Variants in MYO3B observed in about 807,000 individuals in gnomAD.
MYO3B encodes the protein myosin-IIIb.
Under a neutral mutation model 174.6 loss-of-function variants are expected in MYO3B, and 156 were observed. The ratio of observed to expected loss-of-function variants is 0.89; its 90% CI spans 0.78 to 1.02. The LOEUF (loss-of-function observed/expected upper bound fraction) is 1.02, where lower values mean the gene tolerates loss of function less well. MYO3B is among the 50% of genes least tolerant of loss of function. The probability of loss-of-function intolerance (pLI) is 0.00; values close to 1 mark genes in which losing one functional copy is unlikely to be tolerated. For synonymous variants in MYO3B, 563 were observed against 569.1 expected (o/e 0.99, Z 0.15); for missense variants, 1,632 against 1,639.4 (o/e 1.00, Z 0.08).
chr2:170,540,981 C>G (rs1193611309), intron 30 of MYO3B, among the ~76,000 whole-genome samples: 1 of 152,182 alleles, frequency 6.6e-6, no homozygotes, highest in African/African-American at 2.4e-5. Flanking sequence ...CCTGTAGACA[C>G]TACTCCCTGA....
At chr2:170,496,959 G>A (rs1311277706) in intron 25 of MYO3B, among the ~76,000 whole-genome samples, 1 of 152,066 alleles carries the variant, frequency 6.6e-6, no homozygotes, top group Non-Finnish European at 1.5e-5. Flanking sequence ...AAAACAGGGA[G>A]AATAAAGGAG....
At chr2:170,252,875 G>A (rs1448994971) in intron 7 of MYO3B, among the ~76,000 whole-genome samples, 1 of 152,082 alleles carries the variant, frequency 6.6e-6, no homozygotes, top group Admixed American at 6.5e-5. Context: ...AACATGGTGG[G>A]GACATTTTAG....
intron 22 of MYO3B, among the ~76,000 whole-genome samples, chr2:170,431,702 T>C (rs2094710459): frequency 6.6e-6 from 1 of 152,238 alleles, no homozygotes; most frequent in Non-Finnish European, 1.5e-5. Flanking sequence ...ACATGCAAGA[T>C]AAAGTTGTAG....
At chr2:170,378,762 A>G (rs6744466) in intron 9 of MYO3B, among the ~76,000 whole-genome samples, 116,438 of 152,152 alleles carry the variant, frequency 0.77, 45,898 homozygotes, top group East Asian at 0.93. Context: ...GGTTTGGTCC[A>G]TGCTTCCATT....
At chr2:170,584,235 T>G (rs985390033) in intron 32 of MYO3B, among the ~76,000 whole-genome samples, 2 of 152,226 alleles carry the variant, frequency 1.3e-5, no homozygotes, top group African/African-American at 2.4e-5. Flanking sequence ...TCCAACAAAC[T>G]TGGAAAAAGT....
intron 32 of MYO3B, among the ~76,000 whole-genome samples, chr2:170,604,543 A>C (rs1227623880): frequency 6.6e-6 from 1 of 152,196 alleles, no homozygotes; most frequent in Admixed American, 6.5e-5. Context: ...CTAAGAGGGA[A>C]GTGAACTGTA....
intron 25 of MYO3B, among the ~76,000 whole-genome samples, chr2:170,496,579 T>C (rs1194703603): frequency 1.3e-5 from 2 of 148,878 alleles, no homozygotes; most frequent in East Asian, 3.9e-4. Flanking sequence ...AAGGATAATA[T>C]ATTCAAAAAG....
chr2:170,224,956 A>G (rs960881201), intron 6 of MYO3B, among the ~76,000 whole-genome samples: 3 of 152,236 alleles, frequency 2.0e-5, no homozygotes, highest in Admixed American at 6.5e-5. Context: ...AGTAAATGAT[A>G]CGATAATGCT....
At chr2:170,183,896 T>C (rs534430488) in intron 1 of MYO3B, among the ~76,000 whole-genome samples, 2 of 140,564 alleles carry the variant, frequency 1.4e-5, no homozygotes, top group African/African-American at 5.0e-5. Flanking sequence ...AAATTAGATA[T>C]TAAAACTTAC....
chr2:170,335,072 G>A (rs2093938025), intron 7 of MYO3B, among the ~76,000 whole-genome samples: 1 of 152,094 alleles, frequency 6.6e-6, no homozygotes, highest in Admixed American at 6.6e-5. Flanking sequence ...ATAATCCTCA[G>A]CTCTGTTATA....
chr2:170,532,315 C>T (rs752085127), intron 30 of MYO3B, among the ~76,000 whole-genome samples: 12 of 152,256 alleles, frequency 7.9e-5, no homozygotes, highest in Non-Finnish European at 1.0e-4. Context: ...ACTAAAAGAA[C>T]GTTACCTCTG....
At position 170,371,076 on chromosome 2, in the gene MYO3B, G is replaced by T. The variant is rs1010166305; in HGVS notation, c.971+1699G>T. On this transcript the variant is annotated intron_variant, in intron 9 of 34. Transcript: ENST00000408978. Reference sequence around the variant, plus strand: ...TACTAAAAATACAGAAAATTAGCTGGGCATAGTGGCAGGCACCTGTAATCC... The same window carrying T: ...TACTAAAAATACAGAAAATTAGCTGTGCATAGTGGCAGGCACCTGTAATCC... 2.0e-5 allele frequency among the ~76,000 whole-genome samples: 3 copies of T among 151,736 alleles called. No homozygotes were observed. The South Asian group carries it at 6.3e-4, about 32-fold the overall frequency.
intron 9 of MYO3B, among the ~76,000 whole-genome samples, chr2:170,372,321 A>G (rs1021139243): frequency 6.6e-6 from 1 of 152,054 alleles, no homozygotes; most frequent in African/African-American, 2.4e-5. Context: ...AACCTCCATA[A>G]ATGTTAGTAG....
chr2:170,293,067 C>T (rs1014575141), intron 7 of MYO3B, among the ~76,000 whole-genome samples: 6 of 152,074 alleles, frequency 3.9e-5, no homozygotes, highest in African/African-American at 1.4e-4. Flanking sequence ...ATTTGGAAGT[C>T]CAACTCTTTC....
chr2:170,243,549 G>A (rs937304090), intron 7 of MYO3B, among the ~76,000 whole-genome samples: 2 of 152,222 alleles, frequency 1.3e-5, no homozygotes, highest in African/African-American at 2.4e-5. Flanking sequence ...GTGTGTGTCA[G>A]TGTCCTCCCT....
In MYO3B at chr2:170,206,118, T is replaced by C. The variant is rs975509931; in HGVS notation, c.321+5834T>C. ...GTATTTAGAACTCATCACACACATG[T>C]ACCCTCACATGCACATTCCCCCTCA... On this transcript the variant is annotated intron_variant, in intron 3 of 34. Transcript: ENST00000408978. The surrounding 1 kb of genome is among the most constrained non-coding windows in gnomAD (Gnocchi z 4.3). 3.9e-5 allele frequency among the ~76,000 whole-genome samples: 6 copies of C among 152,132 alleles called. No individual in the cohort carries two copies. Among genetic ancestry groups the C allele is most frequent in the African/African-American group, 9.7e-5 (4 of 41,448 alleles).
chr2:170,635,750 CAT>C (rs1697410870), intron 32 of MYO3B, among the ~76,000 whole-genome samples: 1 of 151,984 alleles, frequency 6.6e-6, no homozygotes, highest in African/African-American at 2.4e-5. Context: ...GTATTTTAAA[CAT>C]GTTTTCTTTC....
At position 170,313,546 on chromosome 2, in the gene MYO3B, C is replaced by CCTG. The variant is rs1265583370; in HGVS notation, c.750-21839_750-21838insCTG. Among the ~76,000 whole-genome samples the CCTG allele has an allele frequency of 3.9e-5, 6 of 152,322 alleles. No individual in the cohort carries two copies. The East Asian group carries it at 9.6e-4, about 24-fold the overall frequency. ...GATAGCATCTCTGCACTTGAACACT[C>CCTG]AAAATGTTCCTGAAAGGGACCTACA... On this transcript the variant is annotated intron_variant, in intron 7 of 34. Transcript: ENST00000408978.
chr2:170,601,255 A>G (rs545670976), intron 32 of MYO3B, among the ~76,000 whole-genome samples: 1 of 152,346 alleles, frequency 6.6e-6, no homozygotes, highest in Admixed American at 6.5e-5. Flanking sequence ...AGTTAACAGA[A>G]CAACAATTAT....
Sources: allele counts gnomAD v4.1 joint callset (sites outside exome capture counted in the v4.1 genomes callset), GRCh38; gene constraint gnomAD v4.1.1; non-coding constraint Gnocchi (gnomAD v3.1); transcripts MANE v1.5; gene names NCBI Gene and HGNC (gene_info 2026-07-23, HGNC 2026-07-21).